ROPN1L: variants seen among roughly 807,000 people sequenced by gnomAD.
ROPN1L encodes ropporin-1-like protein.
ROPN1L carries 23 observed loss-of-function variants against 22.7 expected under a neutral mutation model. The observed-to-expected ratio is 1.01, with a 90% confidence interval of 0.73 to 1.43. The LOEUF (loss-of-function observed/expected upper bound fraction) is 1.43, where lower values mean the gene tolerates loss of function less well. Ranked by LOEUF, ROPN1L falls within the 40% of genes most tolerant of loss-of-function variation. The pLI is 0.00. For missense variants in ROPN1L, 271 were observed against 291.5 expected (o/e 0.93, Z 0.51); for synonymous variants, 116 against 117.8 (o/e 0.98, Z 0.10).
intron 3 of ROPN1L, among the ~76,000 whole-genome samples, chr5:10,460,596 G>A (rs2126463513): frequency 6.6e-6 from 1 of 152,382 alleles, no homozygotes; most frequent in East Asian, 1.9e-4. Context: ...AACGGTCTCA[G>A]GGAGGAAGTC....
At chr5:10,463,746 G>C (rs1312233791) in intron 4 of ROPN1L, among the ~76,000 whole-genome samples, 1 of 152,158 alleles carries the variant, frequency 6.6e-6, no homozygotes, top group African/African-American at 2.4e-5. Flanking sequence ...CTGGAGTTTT[G>C]CCCTGTGGAG....
rs111597961 is a variant in ROPN1L, at chr5:10,461,176, G to T, written c.418-8G>T. 3.3e-3 allele frequency: 5,328 copies of T among 1,606,836 alleles called. 138 individuals carry two copies. In the African/African-American group the frequency reaches 0.056, roughly 17 times the overall value. On this transcript the variant is annotated splice_polypyrimidine_tract_variant and splice_region_variant and intron_variant, in intron 3 of 4. Coordinates refer to ENST00000274134, the MANE Select transcript of ROPN1L (RefSeq NM_031916.5). ...GTTTTTCTCCCCACCTGGCTGTGGT[G>T]CTCCCAGTCCTTGAACACTGCGCTG...
the ROPN1L span, among the ~76,000 whole-genome samples, chr5:10,481,019 C>A: frequency 6.6e-6 from 1 of 152,068 alleles, no homozygotes; most frequent in Non-Finnish European, 1.5e-5. Flanking sequence ...TGAAACCCAC[C>A]GCAGTAGCAG....
chr5:10,449,389 C>A (rs537535395), intron 2 of ROPN1L, among the ~76,000 whole-genome samples: 18 of 152,152 alleles, frequency 1.2e-4, no homozygotes, highest in African/African-American at 4.3e-4. Context: ...CGTGGTGGTG[C>A]GCACCTGTAA....
At chr5:10,461,991 A>G (rs1232592499) in intron 4 of ROPN1L, among the ~76,000 whole-genome samples, 6 of 152,186 alleles carry the variant, frequency 3.9e-5, no homozygotes, top group Admixed American at 6.5e-5. Context: ...CTTCCGGGAA[A>G]CTTTCTAAGC....
At chr5:10,458,131 C>A (rs900817468) in intron 3 of ROPN1L, among the ~76,000 whole-genome samples, 1 of 152,068 alleles carries the variant, frequency 6.6e-6, no homozygotes, top group Non-Finnish European at 1.5e-5. Context: ...GCTCATGAGC[C>A]GGCTCCAGCA....
Position 10,461,192 on chromosome 5 carries a change from C to T in ROPN1L, c.426C>T (p.Asn142=). 1.2e-6 allele frequency: 2 copies of T among 1,613,316 alleles called. No individual in the cohort carries two copies. The highest frequency in any genetic ancestry group is 1.7e-6 in the Non-Finnish European group (2 of 1,179,694). The part of the protein sequence containing the change: ...LGCSMLGGSL[N]TALKHLCEIL... ...GGCTGTGGTGCTCCCAGTCCTTGAA[C>T]ACTGCGCTGAAGCACCTGTGCGAGA... is the stretch of plus-strand genomic sequence containing the variant. Residue 142 remains asparagine (N), a synonymous_variant, in exon 4 of 5, where the codon AAC becomes AAT. Coordinates refer to ENST00000274134, the MANE Select transcript of ROPN1L (RefSeq NM_031916.5).
intron 1 of ROPN1L, among the ~76,000 whole-genome samples, chr5:10,446,741 G>C (rs1741079805): frequency 6.6e-6 from 1 of 151,978 alleles, no homozygotes; most frequent in South Asian, 2.1e-4. Context: ...AAGAGGAGGA[G>C]CATTATCCCC....
intron 3 of ROPN1L, among the ~76,000 whole-genome samples, chr5:10,452,845 G>C (rs1741298964): frequency 6.6e-6 from 1 of 152,148 alleles, no homozygotes; most frequent in Non-Finnish European, 1.5e-5. Flanking sequence ...AATCTGATTT[G>C]AAAAATAAGG....
At chr5:10,460,073 G>A (rs1327727921) in intron 3 of ROPN1L, among the ~76,000 whole-genome samples, 1 of 152,166 alleles carries the variant, frequency 6.6e-6, no homozygotes, top group Non-Finnish European at 1.5e-5. Flanking sequence ...CTCGAGGTGG[G>A]GACTGAGGGG....
chr5:10,481,127 G>A, the ROPN1L span, among the ~76,000 whole-genome samples: 1 of 152,156 alleles, frequency 6.6e-6, no homozygotes, highest in African/African-American at 2.4e-5. Flanking sequence ...CTAATGACAC[G>A]AGACTCCCGG....
chr5:10,453,509 A>T (rs1741317741), intron 3 of ROPN1L, among the ~76,000 whole-genome samples: 1 of 152,078 alleles, frequency 6.6e-6, no homozygotes, highest in East Asian at 1.9e-4. Flanking sequence ...TTAAAAAAAT[A>T]CCTTCAAAAA....
At chr5:10,476,305 G>T (rs923339835), downstream of ROPN1L, among the ~76,000 whole-genome samples, 3 of 152,156 alleles carry the variant, frequency 2.0e-5, no homozygotes, top group Non-Finnish European at 2.9e-5. Context: ...AGACCATTTA[G>T]GTAAAGAAGG....
At chr5:10,457,954 C>T (rs1008955360) in intron 3 of ROPN1L, among the ~76,000 whole-genome samples, 13 of 152,114 alleles carry the variant, frequency 8.5e-5, no homozygotes, top group African/African-American at 3.1e-4. Context: ...TCAGTCTGCC[C>T]TCACACCCCA....
chr5:10,446,585 T>C (rs1025940137), intron 1 of ROPN1L, among the ~76,000 whole-genome samples: 3 of 147,884 alleles, frequency 2.0e-5, no homozygotes, highest in Non-Finnish European at 4.5e-5. Flanking sequence ...AGCTTGAACC[T>C]GGGAGGTGGA....
chr5:10,473,200 A>G (rs570833771), downstream of ROPN1L, among the ~76,000 whole-genome samples: 11 of 152,324 alleles, frequency 7.2e-5, no homozygotes, highest in South Asian at 1.7e-3. Flanking sequence ...AGATATGTCC[A>G]TGTCTCAACT....
At position 10,470,254 on chromosome 5, in the gene ROPN1L, T is replaced by C. The variant is rs141197344; in HGVS notation, n.886-1556T>C. 2.1e-3 allele frequency among the ~76,000 whole-genome samples: 315 copies of C among 152,146 alleles called. 1 individual carries two copies. The highest frequency in any genetic ancestry group is 3.7e-3 in the Non-Finnish European group (251 of 67,992). ...CCTCCAAGGAAAATCCCAACTCTAT[T>C]ATGTTGCTTTGTACAATTTGTACAA... is the stretch of plus-strand genomic sequence containing the variant. On this transcript the variant is annotated intron_variant and non_coding_transcript_variant, in intron 4 of 4. Coordinates refer to the ROPN1L transcript ENST00000510520.
At chr5:10,460,424 GC>G (rs1021755276) in intron 3 of ROPN1L, among the ~76,000 whole-genome samples, 2 of 152,218 alleles carry the variant, frequency 1.3e-5, no homozygotes, top group African/African-American at 4.8e-5. Flanking sequence ...CCTGTTAGCT[GC>G]CCCCCACCCC....
At chr5:10,451,593 G>A (rs1035794772) in intron 3 of ROPN1L, among the ~76,000 whole-genome samples, 15 of 152,106 alleles carry the variant, frequency 9.9e-5, no homozygotes, top group Non-Finnish European at 1.9e-4. Flanking sequence ...CCCTTCCTTC[G>A]CCATGTCACA....
Sources: allele counts gnomAD v4.1 joint callset (sites outside exome capture counted in the v4.1 genomes callset), GRCh38; gene constraint gnomAD v4.1.1; transcripts MANE v1.5; gene names NCBI Gene and HGNC (gene_info 2026-07-23, HGNC 2026-07-21).